The following TP53BP1 variants were observed in gnomAD, a reference collection of about 807,000 sequenced individuals.
TP53BP1 encodes the protein tumor protein p53 binding protein 1, also known as TP53-binding protein 1.
A neutral mutation model predicts 200.8 loss-of-function variants in TP53BP1; 61 were observed. The ratio of observed to expected loss-of-function variants is 0.30; its 90% CI spans 0.25 to 0.38. The LOEUF (loss-of-function observed/expected upper bound fraction) is 0.38. Among genes scored for constraint, TP53BP1 ranks in the 10% least tolerant of loss-of-function variants. The pLI is 1.00. For synonymous variants in TP53BP1, 822 were observed against 844.3 expected (o/e 0.97, Z 0.46); for missense variants, 2,144 against 2,371.9 (o/e 0.90, Z 2.00).
rs768301256 is a variant in TP53BP1, at chr15:43,477,771, A to G, written c.789-12T>C. 6.6e-6 allele frequency: 10 copies of G among 1,521,554 alleles called. No homozygotes were observed. The highest frequency in any genetic ancestry group is 4.0e-5 in the South Asian group (3 of 75,812). The allele number at this position is 1,521,554 out of a possible 1,614,324, so 94.3% of individuals were successfully genotyped here. A position where few individuals can be genotyped will look rare whatever the true frequency, so the allele number is the denominator to read the frequency against. ...GCATGTCCTCTGACCTAGGAAATTC[A>G]TATCACCAGGAGAAAAAGTTCCTAA... On this transcript the variant is annotated splice_polypyrimidine_tract_variant and intron_variant, in intron 7 of 27. Transcript: ENST00000382044.
intron 21 of TP53BP1, among the ~76,000 whole-genome samples, chr15:43,418,309 C>T (rs2045314990): frequency 6.6e-6 from 1 of 151,350 alleles, no homozygotes; most frequent in Admixed American, 6.6e-5. Context: ...ACCAGCCTGG[C>T]CAATGTGGCG....
In TP53BP1 at chr15:43,456,345, T is replaced by C; in HGVS notation, c.2263A>G (p.Thr755Ala). 1 of 1,612,022 alleles carries C rather than the reference T, an allele frequency of 6.2e-7. No individual in the cohort carries two copies. The highest frequency in any genetic ancestry group is 8.5e-7 in the Non-Finnish European group (1 of 1,179,558). ...HKEQEAWEEA[T>A]SEDSSVVIVD... is the part of the protein sequence containing the mutation. ...ATGACAACACTGGAGTCCTCTGAAG[T>C]AGCTTCTTCCCAAGCTTCCTGTTCC... Residue 755 changes from threonine (T) to alanine (A), a missense_variant, in exon 12 of 28, where the codon ACT becomes GCT. By Grantham distance (58) the Thr-to-Ala change is moderately conservative. Around this residue, in one of 4 missense-constraint regions of TP53BP1, gnomAD observed 1,700 missense variants for 1,710.3 expected, o/e 0.99. Transcript: ENST00000382044.
chr15:43,445,520 T>C (rs549291784), intron 14 of TP53BP1, among the ~76,000 whole-genome samples: 1 of 152,296 alleles, frequency 6.6e-6, no homozygotes, highest in South Asian at 2.1e-4. Flanking sequence ...CAGAGTTAGG[T>C]CTGACTCAAA....
intron 1 of TP53BP1, among the ~76,000 whole-genome samples, chr15:43,502,366 T>C (rs889202754): frequency 2.6e-5 from 4 of 152,178 alleles, no homozygotes; most frequent in African/African-American, 9.6e-5. Context: ...GATTGTATAA[T>C]TTTATACTTC....
upstream of TP53BP1, among the ~76,000 whole-genome samples, chr15:43,494,037 T>C (rs1595632829): frequency 6.6e-6 from 1 of 152,004 alleles, no homozygotes; most frequent in Non-Finnish European, 1.5e-5. Flanking sequence ...CTGTGACGAG[T>C]CTTAATGAAC....
intron 4 of TP53BP1, among the ~76,000 whole-genome samples, chr15:43,483,337 A>G (rs1231657026): frequency 6.6e-6 from 1 of 152,014 alleles, no homozygotes; most frequent in Admixed American, 6.6e-5. Context: ...AACTTGGGGA[A>G]TATGTTAAGT....
At chr15:43,462,957 T>C (rs2140068810) in intron 11 of TP53BP1, among the ~76,000 whole-genome samples, 1 of 152,258 alleles carries the variant, frequency 6.6e-6, no homozygotes, top group African/African-American at 2.4e-5. Context: ...CTTGGGGTGC[T>C]GAGGCAGGAG....
chr15:43,484,304 T>C (rs142852237), intron 4 of TP53BP1, among the ~76,000 whole-genome samples: 3 of 152,328 alleles, frequency 2.0e-5, no homozygotes, highest in Middle Eastern at 3.4e-3. Context: ...CCTTTTCAAA[T>C]ACTCAGAATC....
At chr15:43,446,641 CACA>C in intron 13 of TP53BP1, 51 bp from the exon 14 acceptor site, 1 of 1,589,658 alleles carries the variant, frequency 6.3e-7, no homozygotes, top group Non-Finnish European at 8.6e-7. Context: ...AAAATACAAA[CACA>C]AAAAACAGCA....
intron 22 of TP53BP1, 72 bp downstream of exon 22, chr15:43,416,153 G>C (rs1407180355): frequency 1.5e-6 from 2 of 1,356,208 alleles, no homozygotes; most frequent in Non-Finnish European, 2.0e-6. Flanking sequence ...ATTACTGACA[G>C]GTCCAGAATC....
rs1457707022 is a variant in TP53BP1 at position 43,404,982 on chromosome 15, G to A, written c.*2401C>T. 5.4e-6 allele frequency: 3 copies of A among 559,824 alleles called. No homozygotes were observed. The African/African-American group carries it at 5.8e-5, about 11-fold the overall frequency. 34.7% of individuals were successfully genotyped at this position (559,824 alleles called of 1,614,324 possible). A position where few individuals can be genotyped will look rare whatever the true frequency, so the allele number is the denominator to read the frequency against. On this transcript the variant is annotated 3_prime_UTR_variant, in exon 28 of 28. Coordinates refer to ENST00000382044, the MANE Select transcript of TP53BP1 (RefSeq NM_001141980.3). ...AGATTCAGTGGTAGCTGGCTTCCCA[G>A]AGGTCTGTCATTCCCATTCAGAAAA...
chr15:43,455,809 G>T, intron 12 of TP53BP1, 83 bp downstream of exon 12: 1 of 1,490,558 alleles, frequency 6.7e-7, no homozygotes, highest in South Asian at 1.3e-5. Flanking sequence ...GTTCACTCCT[G>T]ACATAAGCAT....
chr15:43,407,185 G>C lies in TP53BP1; in HGVS notation c.*198C>G. ...GTCTTGTCATTTGTTCTGAGATTAA[G>C]CTCAAAAAAACAGATGAAGAAATCC... On this transcript the variant is annotated 3_prime_UTR_variant, in exon 28 of 28. Transcript: ENST00000382044. 1.8e-6 allele frequency: 1 copy of C among 564,438 alleles called. No homozygotes were observed. The allele number at this position is 564,438 out of a possible 1,614,324, so 35.0% of individuals were successfully genotyped here.
At chr15:43,457,543 G>C (rs968332367) in intron 11 of TP53BP1, among the ~76,000 whole-genome samples, 2 of 151,598 alleles carry the variant, frequency 1.3e-5, no homozygotes, top group African/African-American at 2.4e-5. Context: ...GTGGTGGTGG[G>C]CACCTGTAAT....
intron 23 of TP53BP1, 99 bp downstream of exon 23, chr15:43,415,495 A>G (rs1326346667): frequency 7.7e-7 from 1 of 1,291,766 alleles, no homozygotes; most frequent in South Asian, 1.2e-5. Flanking sequence ...ATAGCAGGAC[A>G]GAAGGGCCAC....
chr15:43,446,628 A>G, intron 13 of TP53BP1, 38 bp from the exon 14 acceptor site: 1 of 1,598,334 alleles, frequency 6.3e-7, no homozygotes, highest in Non-Finnish European at 8.6e-7. Flanking sequence ...AAAAAAGAAC[A>G]CTAAAATACA....
At chr15:43,480,822 A>AT (rs45628933) in intron 5 of TP53BP1, 73 bp downstream of exon 5, 16,508 of 1,521,870 alleles carry the variant, frequency 0.011, 160 homozygotes, top group Middle Eastern at 0.046. Context: ...AAGAGGAGAA[A>AT]TTTAGACATC....
chr15:43,485,287 A>C (rs2140138788), intron 4 of TP53BP1, among the ~76,000 whole-genome samples: 1 of 152,270 alleles, frequency 6.6e-6, no homozygotes, highest in African/African-American at 2.4e-5. Context: ...ACTCAATAGA[A>C]GGTACTTTGG....
At position 43,493,117 on chromosome 15, in the gene TP53BP1, G is replaced by A. The variant is rs1372389120; in HGVS notation, c.-74C>T. ...CCAAGTCCCTCCAGATCGATCCCTA[G>A]GTCGCCGCTGTCGCCACCGCCGCCA... On this transcript the variant is annotated 5_prime_UTR_variant, in exon 1 of 28. Transcript: ENST00000382044. 11 of 1,598,530 alleles carry A rather than the reference G, an allele frequency of 6.9e-6. No individual in the cohort carries two copies. The African/African-American group carries it at 8.1e-5, about 12-fold the overall frequency.
Sources: allele counts gnomAD v4.1 joint callset (sites outside exome capture counted in the v4.1 genomes callset), GRCh38; gene constraint gnomAD v4.1.1; regional missense constraint gnomAD v4.1.1; transcripts MANE v1.5; gene names NCBI Gene and HGNC (gene_info 2026-07-23, HGNC 2026-07-21).